ZNF407: variants seen among roughly 807,000 people sequenced by gnomAD.
ZNF407 encodes the protein zinc finger protein 407.
In ZNF407, 17 loss-of-function variants were observed where a neutral mutation model predicts 131.2. That is an observed-to-expected ratio of 0.13 (90% CI 0.09 to 0.19). ZNF407 has a LOEUF of 0.19. ZNF407 is among the 10% of genes least tolerant of loss of function. The pLI, the probability that ZNF407 is intolerant of heterozygous loss-of-function variation, is 1.00. For synonymous variants in ZNF407, 1,156 were observed against 1,062.0 expected (o/e 1.09, Z -1.72); for missense variants, 2,681 against 2,830.6 (o/e 0.95, Z 1.20).
intron 3 of ZNF407, among the ~76,000 whole-genome samples, chr18:74,686,225 A>G (rs1967093931): frequency 6.6e-6 from 1 of 152,102 alleles, no homozygotes; most frequent in Non-Finnish European, 1.5e-5. Context: ...TGGGCAATAT[A>G]GGTTTAGAAC....
intron 3 of ZNF407, among the ~76,000 whole-genome samples, chr18:74,715,051 C>A (rs1967861469): frequency 6.6e-6 from 1 of 152,160 alleles, no homozygotes; most frequent in African/African-American, 2.4e-5. Flanking sequence ...CAGTGCTTTT[C>A]CTTACAAAAC....
intron 4 of ZNF407, among the ~76,000 whole-genome samples, chr18:74,793,978 C>T (rs984126662): frequency 1.3e-5 from 2 of 152,188 alleles, no homozygotes; most frequent in Non-Finnish European, 2.9e-5. Context: ...AAGCTCCCGC[C>T]GTCTGAGAAA....
chr18:74,889,829 A>C, intron 6 of ZNF407, 89 bp from the exon 7 acceptor site: 2 of 1,200,608 alleles, frequency 1.7e-6, no homozygotes, highest in South Asian at 1.5e-5. Flanking sequence ...CATGGAAATA[A>C]ATGTTTTTTA....
chr18:74,779,109 A>ATATATATATTTTTT (rs397943457), intron 3 of ZNF407, among the ~76,000 whole-genome samples: 51 of 24,382 alleles, frequency 2.1e-3, no homozygotes, highest in Non-Finnish European at 2.4e-3. Flanking sequence ...ATATATATAT[A>ATATATATATTTTTT]TTTTTTTTTT....
chr18:75,020,316 A>ATGTGTGTG, intron 8 of ZNF407, among the ~76,000 whole-genome samples: 1 of 149,764 alleles, frequency 6.7e-6, no homozygotes, highest in East Asian at 2.0e-4. Flanking sequence ...GTGTATGTGC[A>ATGTGTGTG]TGTGTGTGTG....
rs2145185450 is a variant in ZNF407, at chr18:74,881,194, C to T, written c.5128+75C>T. Reference sequence around the variant, plus strand: ...ACACCCCAGCCTCAATTCTTGATGTCATCATTTACTTTCCTTTTTAATTTT... The same window carrying T: ...ACACCCCAGCCTCAATTCTTGATGTTATCATTTACTTTCCTTTTTAATTTT... On this transcript the variant is annotated intron_variant, in intron 6 of 8. Coordinates refer to ENST00000299687, the MANE Select transcript of ZNF407 (RefSeq NM_017757.3). 2.3e-6 allele frequency: 3 copies of T among 1,306,658 alleles called. No individual in the cohort carries two copies. In the East Asian group the frequency reaches 7.7e-5, roughly 34 times the overall value. 80.9% of individuals were successfully genotyped at this position (1,306,658 alleles called of 1,614,324 possible).
At chr18:74,964,603 G>GTTTTTTGTTTTTTTTTT (rs1599267427) in intron 8 of ZNF407, among the ~76,000 whole-genome samples, 1 of 143,414 alleles carries the variant, frequency 7.0e-6, no homozygotes. Context: ...TTTTTTTTGG[G>GTTTTTTGTTTTTTTTTT]TCTTCTGAAC....
rs1461231640 is a variant in ZNF407, at chr18:75,063,576, G to A, written c.5855G>A (p.Gly1952Asp). 2 of 1,567,844 alleles carry A rather than the reference G, an allele frequency of 1.3e-6. No individual in the cohort carries two copies. The highest frequency in any genetic ancestry group is 3.8e-5 in the Admixed American group (2 of 52,874). Residue 1952 changes from glycine (G) to aspartate (D), a missense_variant, in exon 9 of 9, where the codon GGC (glycine) becomes GAC (aspartate). Physicochemically the swap from Gly to Asp is moderately conservative, Grantham distance 94. Coordinates refer to ENST00000299687, the MANE Select transcript of ZNF407 (RefSeq NM_017757.3). The surrounding 1 kb of genome is among the most constrained non-coding windows in gnomAD (Gnocchi z 6.6). ...GTGGGGGGCTCCATGGAAGGCCACG[G>A]CATGGATGAGTCCCTCAGTCCAGGT... ...VVVGGSMEGH[G>D]MDESLSPGGA...
At position 74,794,227 on chromosome 18, in the gene ZNF407, T is replaced by C. The variant is rs950777420; in HGVS notation, c.4877+12725T>C. ...TACATGATGTCAGCGTCTTCACGTG[T>C]GTATTTTTCCGGCCAACTCCATCAT... On this transcript the variant is annotated intron_variant, in intron 4 of 8. Transcript: ENST00000299687. Among the ~76,000 whole-genome samples, 5 of 152,288 alleles carry C rather than the reference T, an allele frequency of 3.3e-5. No individual in the cohort carries two copies. The East Asian group carries it at 9.7e-4, about 29-fold the overall frequency.
intron 8 of ZNF407, among the ~76,000 whole-genome samples, chr18:74,998,130 A>C (rs1337372639): frequency 1.3e-5 from 2 of 152,194 alleles, no homozygotes; most frequent in Non-Finnish European, 2.9e-5. Flanking sequence ...TGGGATTTGA[A>C]CACAGGCCTT....
intron 4 of ZNF407, among the ~76,000 whole-genome samples, chr18:74,834,612 A>G (rs1568235033): frequency 6.6e-6 from 1 of 152,332 alleles, no homozygotes; most frequent in East Asian, 1.9e-4. Flanking sequence ...CATAGAACAA[A>G]TCATACATGG....
intron 4 of ZNF407, among the ~76,000 whole-genome samples, chr18:74,813,797 T>C (rs1970231984): frequency 6.6e-6 from 1 of 152,206 alleles, no homozygotes; most frequent in South Asian, 2.1e-4. Context: ...TTGTAATTAA[T>C]GCCCCCTTTT....
At chr18:74,920,474 T>A in intron 7 of ZNF407, 40 bp from the exon 8 acceptor site, 1 of 1,507,364 alleles carries the variant, frequency 6.6e-7, no homozygotes, top group Non-Finnish European at 9.0e-7. Context: ...GGTTATTGGT[T>A]TGACCTTAAT....
rs961733414 is a variant in ZNF407 at position 74,620,301 on chromosome 18, C to G, written c.-53-10666C>G. Reference sequence around the variant, plus strand: ...AGATGGCTGTGCTGATTTTGCAGGCCAAATTTGATTTGTTGTTTTATAAAG... The same window carrying G: ...AGATGGCTGTGCTGATTTTGCAGGCGAAATTTGATTTGTTGTTTTATAAAG... On this transcript the variant is annotated intron_variant, in intron 1 of 8. Transcript: ENST00000299687. Among the ~76,000 whole-genome samples the G allele has an allele frequency of 5.2e-3, 788 of 152,156 alleles. 6 individuals are homozygous for G. Among genetic ancestry groups the G allele is most frequent in the Non-Finnish European group, 8.8e-3 (597 of 67,996 alleles).
intron 3 of ZNF407, among the ~76,000 whole-genome samples, chr18:74,740,829 G>A (rs781196996): frequency 6.6e-6 from 1 of 152,110 alleles, no homozygotes; most frequent in Non-Finnish European, 1.5e-5. Flanking sequence ...GGGTCTAGAC[G>A]AACCCCCTCC....
chr18:74,876,851 A>T (rs2145179672), intron 4 of ZNF407, among the ~76,000 whole-genome samples: 1 of 152,322 alleles, frequency 6.6e-6, no homozygotes, highest in East Asian at 1.9e-4. Flanking sequence ...TTGAGTATGG[A>T]TAGCATTTCA....
intron 3 of ZNF407, among the ~76,000 whole-genome samples, chr18:74,677,808 T>C (rs1986454550): frequency 6.6e-6 from 1 of 152,168 alleles, no homozygotes; most frequent in Non-Finnish European, 1.5e-5. Context: ...TGATTTTTTT[T>C]CTCTCATTTT....
chr18:75,039,888 C>G (rs1266699190), intron 8 of ZNF407, among the ~76,000 whole-genome samples: 1 of 151,250 alleles, frequency 6.6e-6, no homozygotes, highest in Non-Finnish European at 1.5e-5. Context: ...GGTTCAATCT[C>G]AGTTTTCTCA....
chr18:74,740,677 G>T (rs148308214), intron 3 of ZNF407, among the ~76,000 whole-genome samples: 51 of 152,236 alleles, frequency 3.4e-4, no homozygotes, highest in African/African-American at 1.2e-3. Context: ...GGCAAGAGGG[G>T]CTTTAGACCA....
Sources: gnomAD v4.1 joint callset for allele counts (sites outside exome capture counted in the v4.1 genomes callset) on GRCh38, gnomAD v4.1.1 for gene constraint, Gnocchi (gnomAD v3.1) non-coding constraint, MANE v1.5 for transcripts, NCBI Gene and HGNC (gene_info 2026-07-23, HGNC 2026-07-21) for gene names.